MEP1A: variants seen among roughly 807,000 people sequenced by gnomAD.
The protein encoded by MEP1A is N-benzoyl-L-tyrosyl-P-amino-benzoic acid hydrolase subunit alpha.
MEP1A carries 68 observed loss-of-function variants against 84.5 expected under a neutral mutation model. That is an observed-to-expected ratio of 0.80 (90% confidence interval 0.66 to 0.98). The LOEUF is 0.98. Ranked by LOEUF, MEP1A falls within the 50% of genes least tolerant of loss-of-function variation. The probability of loss-of-function intolerance (pLI) is 0.00; values close to 1 mark genes in which losing one functional copy is unlikely to be tolerated. For missense variants in MEP1A, 887 were observed against 919.9 expected, an observed-to-expected ratio of 0.96 and a Z score of 0.46; for synonymous variants, 337 against 336.8, an observed-to-expected ratio of 1.00 and a Z score of -0.01.
chr6:46,817,972 G>A (rs570575891), intron 6 of MEP1A, among the ~76,000 whole-genome samples: 1 of 152,334 alleles, frequency 6.6e-6, no homozygotes, highest in East Asian at 1.9e-4. Flanking sequence ...CTTTCAGAAA[G>A]ACAAGGTCAA....
chr6:46,794,962 ATCT>A (rs1458242382), intron 3 of MEP1A, among the ~76,000 whole-genome samples: 2 of 152,202 alleles, frequency 1.3e-5, no homozygotes, highest in Admixed American at 6.5e-5. Context: ...TACCATGTAA[ATCT>A]TCTTTTTAGG....
chr6:46,816,315 C>T (rs1278067411), intron 6 of MEP1A, among the ~76,000 whole-genome samples: 1 of 152,114 alleles, frequency 6.6e-6, no homozygotes, highest in Non-Finnish European at 1.5e-5. Flanking sequence ...GTGTGCTAGA[C>T]TGTAGGTGCA....
At chr6:46,824,431 T>G (rs1767852964) in intron 7 of MEP1A, among the ~76,000 whole-genome samples, 1 of 146,508 alleles carries the variant, frequency 6.8e-6, no homozygotes. Context: ...TTAACTAATA[T>G]TAATAATGAT....
At chr6:46,813,536 G>A (rs949205898) in intron 6 of MEP1A, among the ~76,000 whole-genome samples, 2 of 151,898 alleles carry the variant, frequency 1.3e-5, no homozygotes, top group African/African-American at 2.4e-5. Context: ...AGAATTTAGG[G>A]CATTTACATT....
intron 5 of MEP1A, among the ~76,000 whole-genome samples, chr6:46,799,985 A>G (rs1193307665): frequency 2.0e-5 from 3 of 152,272 alleles, no homozygotes; most frequent in East Asian, 1.9e-4. Context: ...GGAGATGTAG[A>G]TTATGTTTCA....
rs528625435 is a variant in MEP1A, at chr6:46,831,729, TATAACCTGCTGG to T, written c.1145-1340_1145-1329del. ...TTCTCTTGACAGAATTCCCATGATC[TATAACCTGCTGG>T]ATAAATAGTTCAAATCCTATATCTC... On this transcript the variant is annotated intron_variant, in intron 10 of 13. Coordinates refer to ENST00000230588, the MANE Select transcript of MEP1A (RefSeq NM_005588.3). 1.8e-4 allele frequency among the ~76,000 whole-genome samples: 27 copies of T among 152,342 alleles called. No individual in the cohort carries two copies. In the South Asian group the frequency reaches 3.7e-3, roughly 21 times the overall value.
chr6:46,798,942 ATC>A (rs1767129470), intron 4 of MEP1A, among the ~76,000 whole-genome samples, 162 bp from the exon 5 acceptor site: 1 of 152,200 alleles, frequency 6.6e-6, no homozygotes, highest in African/African-American at 2.4e-5. Flanking sequence ...TTTCCAAATT[ATC>A]TCTCAAGGAC....
At position 46,799,194 on chromosome 6, in the gene MEP1A, G is replaced by T; in HGVS notation, c.262+13G>T. 2.6e-6 allele frequency: 4 copies of T among 1,567,786 alleles called. No individual in the cohort carries two copies. The highest frequency in any genetic ancestry group is 3.5e-6 in the Non-Finnish European group (4 of 1,137,856). ...GCTGATAATTTGGGTAATATTAATT[G>T]TTCTTAATTAGGAAGTTTCAGTTTA... is the stretch of plus-strand genomic sequence containing the variant. On this transcript the variant is annotated intron_variant, in intron 5 of 13. Transcript: ENST00000230588.
At chr6:46,829,748 A>G (rs1388164820) in intron 10 of MEP1A, among the ~76,000 whole-genome samples, 177 bp downstream of exon 10, 1 of 152,040 alleles carries the variant, frequency 6.6e-6, no homozygotes, top group Non-Finnish European at 1.5e-5. Context: ...TAATTACTCT[A>G]TGAATGTTTT....
At chr6:46,803,875 G>A (rs1468673354) in intron 5 of MEP1A, among the ~76,000 whole-genome samples, 3 of 151,474 alleles carry the variant, frequency 2.0e-5, no homozygotes, top group Non-Finnish European at 4.4e-5. Context: ...ATAAAAGTAT[G>A]TTTACATTTT....
rs1767945252 is a variant in MEP1A at position 46,826,343 on chromosome 6, A to G, written c.779-11A>G. ...TCATTTTTAACCAGATGATAAAAAT[A>G]TAATTTGCAGCCACAACTCACACTC... On this transcript the variant is annotated splice_polypyrimidine_tract_variant and intron_variant, in intron 8 of 13. Transcript: ENST00000230588. 4 of 1,578,918 alleles carry G rather than the reference A, an allele frequency of 2.5e-6. No homozygotes were observed. The highest frequency in any genetic ancestry group is 3.4e-6 in the Non-Finnish European group (4 of 1,162,750).
chr6:46,817,606 T>G (rs1418733438), intron 6 of MEP1A, among the ~76,000 whole-genome samples: 2 of 152,188 alleles, frequency 1.3e-5, no homozygotes, highest in African/African-American at 2.4e-5. Flanking sequence ...TTTCCATTCT[T>G]CAGCTACCAC....
chr6:46,832,153 G>C (rs1581687730), intron 10 of MEP1A, among the ~76,000 whole-genome samples: 2 of 152,200 alleles, frequency 1.3e-5, no homozygotes, highest in South Asian at 2.1e-4. Context: ...CTCATCTGTA[G>C]GAACTCAGTT....
downstream of MEP1A, among the ~76,000 whole-genome samples, chr6:46,841,058 A>T (rs562228955): frequency 1.3e-5 from 2 of 152,338 alleles, no homozygotes; most frequent in African/African-American, 4.8e-5. Flanking sequence ...TCTGTCACAC[A>T]TGGAAAGGCC....
chr6:46,819,770 C>A, intron 7 of MEP1A, 66 bp downstream of exon 7: 1 of 1,529,670 alleles, frequency 6.5e-7, no homozygotes, highest in Non-Finnish European at 8.9e-7. Context: ...GATGACCAAG[C>A]CAAATCTGTG....
intron 1 of MEP1A, 30 bp from the exon 2 acceptor site, chr6:46,793,522 A>T (rs1415522095): frequency 1.3e-6 from 2 of 1,574,284 alleles, no homozygotes; most frequent in African/African-American, 2.7e-5. Context: ...AGTATACATT[A>T]TCCATTTTCT....
chr6:46,829,617 G>A lies in MEP1A; in HGVS notation c.1144+46G>A, dbSNP rs371417931. ...GAGGAATGGATTGGGTTAAAATCCG[G>A]GATCCTGCTTCTTCTCCTCCTTCCC... On this transcript the variant is annotated intron_variant, in intron 10 of 13. Coordinates refer to ENST00000230588, the MANE Select transcript of MEP1A (RefSeq NM_005588.3). 34 of 1,398,288 alleles carry A rather than the reference G, an allele frequency of 2.4e-5. No homozygotes were observed. In the African/African-American group the frequency reaches 4.2e-4, roughly 17 times the overall value. The allele number at this position is 1,398,288 out of a possible 1,614,324, so 86.6% of individuals were successfully genotyped here.
chr6:46,845,323 G>A, the MEP1A span, among the ~76,000 whole-genome samples: 5 of 152,198 alleles, frequency 3.3e-5, no homozygotes, highest in Admixed American at 3.3e-4. Context: ...GCCAGAGTGA[G>A]AGCTGCCAAA....
Position 46,829,534 on chromosome 6 carries a change from C to T in MEP1A, c.1107C>T (p.Gly369=). The T allele has an allele frequency of 6.2e-7, 1 of 1,614,106 alleles. No homozygotes were observed. Among genetic ancestry groups the T allele is most frequent in the Non-Finnish European group, 8.5e-7 (1 of 1,179,998 alleles). The change falls in exon 10 of 14, where the codon GGC becomes GGT. Residue 369 remains glycine (G), a synonymous_variant. Coordinates refer to ENST00000230588, the MANE Select transcript of MEP1A (RefSeq NM_005588.3). Reference sequence around the variant, plus strand: ...GGGTCAGGAGGGATGACAGCACAGGCAATGTTCGCAAGTTGGTGAAGGTGC... The same window carrying T: ...GGGTCAGGAGGGATGACAGCACAGGTAATGTTCGCAAGTTGGTGAAGGTGC... ...VVWVRRDDST[G]NVRKLVKVQT... is the part of the protein sequence containing the mutation.
Sources: gnomAD v4.1 joint callset for allele counts (sites outside exome capture counted in the v4.1 genomes callset) on GRCh38, gnomAD v4.1.1 for gene constraint, MANE v1.5 for transcripts, NCBI Gene and HGNC (gene_info 2026-07-23, HGNC 2026-07-21) for gene names.